Variants in ZRANB3 observed in about 807,000 individuals in gnomAD.
ZRANB3 encodes DNA annealing helicase and endonuclease ZRANB3.
A neutral mutation model predicts 133.8 loss-of-function variants in ZRANB3; 125 were observed. The ratio of observed to expected loss-of-function variants is 0.93; its 90% CI spans 0.81 to 1.08. The LOEUF (loss-of-function observed/expected upper bound fraction) is 1.08, where lower values mean the gene tolerates loss of function less well. ZRANB3 is among the 50% of genes least tolerant of loss of function. The pLI is 0.00. For missense variants in ZRANB3, 1,229 were observed against 1,275.5 expected (o/e 0.96, Z 0.56); for synonymous variants, 387 against 432.7 (o/e 0.89, Z 1.31).
At chr2:135,477,865 T>C (rs1200330728) in intron 2 of ZRANB3, among the ~76,000 whole-genome samples, 5 of 152,030 alleles carry the variant, frequency 3.3e-5, no homozygotes, top group Non-Finnish European at 7.4e-5. Flanking sequence ...GGTATATGCC[T>C]GTGGTTACAA....
intron 8 of ZRANB3, among the ~76,000 whole-genome samples, chr2:135,312,875 C>G (rs1048098183): frequency 1.3e-5 from 2 of 151,474 alleles, no homozygotes; most frequent in Non-Finnish European, 2.9e-5. Flanking sequence ...AAAAAATTTG[C>G]CAGGCATGGA....
intron 8 of ZRANB3, among the ~76,000 whole-genome samples, chr2:135,298,235 A>T (rs1167154568): frequency 6.6e-6 from 1 of 152,118 alleles, no homozygotes; most frequent in African/African-American, 2.4e-5. Flanking sequence ...CTCAAAAACA[A>T]CAAAATATTA....
chr2:135,375,968 A>G (rs770363830), intron 3 of ZRANB3, among the ~76,000 whole-genome samples: 28 of 152,222 alleles, frequency 1.8e-4, no homozygotes, highest in Non-Finnish European at 3.7e-4. Flanking sequence ...GAAATTATTT[A>G]TTTAAAAATA....
intron 15 of ZRANB3, among the ~76,000 whole-genome samples, 200 bp from the exon 16 acceptor site, chr2:135,219,378 C>T (rs1178798396): frequency 6.6e-6 from 1 of 152,220 alleles, no homozygotes; most frequent in Non-Finnish European, 1.5e-5. Context: ...AGGCTCTCTA[C>T]CGCACTGGAT....
chr2:135,498,068 T>A (rs964199264), intron 2 of ZRANB3, among the ~76,000 whole-genome samples: 17 of 130,652 alleles, frequency 1.3e-4, no homozygotes, highest in African/African-American at 5.7e-4. Context: ...TAATAAATAA[T>A]AAATAAATAA....
At chr2:135,393,305 C>T (rs1687327527) in intron 2 of ZRANB3, among the ~76,000 whole-genome samples, 1 of 151,816 alleles carries the variant, frequency 6.6e-6, no homozygotes, top group Non-Finnish European at 1.5e-5. Context: ...CTTGGAAAAA[C>T]ATGATTTTTT....
chr2:135,329,311 C>G (rs953843957), intron 6 of ZRANB3, among the ~76,000 whole-genome samples: 1 of 152,140 alleles, frequency 6.6e-6, no homozygotes, highest in Non-Finnish European at 1.5e-5. Flanking sequence ...ATTTATTAAA[C>G]AGGTAATCCT....
intron 8 of ZRANB3, among the ~76,000 whole-genome samples, chr2:135,306,258 C>T (rs548689749): frequency 6.6e-6 from 1 of 150,882 alleles, no homozygotes; most frequent in African/African-American, 2.4e-5. Flanking sequence ...TTCCCCATCC[C>T]TTTTTATTCT....
chr2:135,324,804 G>T (rs1683730462), intron 6 of ZRANB3, among the ~76,000 whole-genome samples: 1 of 151,992 alleles, frequency 6.6e-6, no homozygotes, highest in South Asian at 2.1e-4. Flanking sequence ...TCTCATTGTG[G>T]TTTTGATTTG....
At chr2:135,293,065 C>T (rs1044594575) in intron 8 of ZRANB3, among the ~76,000 whole-genome samples, 2 of 152,008 alleles carry the variant, frequency 1.3e-5, no homozygotes, top group African/African-American at 4.8e-5. Context: ...TTAGGATTGA[C>T]TTGGCAATGT....
At chr2:135,457,802 T>C (rs148496268) in intron 2 of ZRANB3, among the ~76,000 whole-genome samples, 7 of 152,250 alleles carry the variant, frequency 4.6e-5, no homozygotes, top group African/African-American at 1.7e-4. Context: ...AAGTTTTTTA[T>C]ATATTCTTGA....
At chr2:135,304,978 CTTTT>C (rs960515720) in intron 8 of ZRANB3, among the ~76,000 whole-genome samples, 2 of 150,926 alleles carry the variant, frequency 1.3e-5, no homozygotes, top group African/African-American at 4.9e-5. Flanking sequence ...TTTCAAGTTT[CTTTT>C]TTTTTGTTTT....
chr2:135,462,265 G>T (rs1057424512), intron 2 of ZRANB3, among the ~76,000 whole-genome samples: 5 of 152,150 alleles, frequency 3.3e-5, no homozygotes, highest in African/African-American at 7.2e-5. Context: ...TCAGTTGATT[G>T]TAAGTACTCC....
At chr2:135,394,534 A>C (rs1377775859) in intron 2 of ZRANB3, among the ~76,000 whole-genome samples, 2 of 152,114 alleles carry the variant, frequency 1.3e-5, no homozygotes, top group Non-Finnish European at 2.9e-5. Flanking sequence ...AAGAGACTAG[A>C]TGTGATCACC....
intron 1 of ZRANB3, among the ~76,000 whole-genome samples, chr2:135,507,083 G>T (rs961761968): frequency 1.3e-5 from 2 of 152,230 alleles, no homozygotes; most frequent in African/African-American, 4.8e-5. Flanking sequence ...CAGTGAAACT[G>T]AAAAGATTCA....
rs564625394 is a variant in ZRANB3 at position 135,206,630 on chromosome 2, G to A, written c.3009+804C>T. On this transcript the variant is annotated intron_variant, in intron 19 of 20. Transcript: ENST00000264159. The stretch of plus-strand genomic sequence containing the variant: ...GTGTTGGGTGTGATAACTCATACTG[G>A]GATTATATTTAAAAGAAAGAGAGGA... Among the ~76,000 whole-genome samples the A allele has an allele frequency of 3.4e-4, 51 of 151,118 alleles. 1 individual carries two copies. In the South Asian group the frequency reaches 0.01, roughly 31 times the overall value.
intron 2 of ZRANB3, among the ~76,000 whole-genome samples, chr2:135,413,598 G>T (rs1241935270): frequency 1.3e-5 from 2 of 152,168 alleles, no homozygotes; most frequent in Non-Finnish European, 2.9e-5. Flanking sequence ...AAAAACACAT[G>T]AGACTAGGAA....
At chr2:135,206,361 C>G (rs1693857183) in intron 19 of ZRANB3, among the ~76,000 whole-genome samples, 1 of 151,718 alleles carries the variant, frequency 6.6e-6, no homozygotes, top group African/African-American at 2.4e-5. Context: ...TGCCTCAGCT[C>G]CCGAGTAGTT....
intron 2 of ZRANB3, among the ~76,000 whole-genome samples, chr2:135,392,081 T>C (rs994666815): frequency 2.0e-5 from 3 of 151,930 alleles, no homozygotes; most frequent in African/African-American, 7.3e-5. Flanking sequence ...AGCAAACATA[T>C]GATAAGGGGT....
Sources: allele counts gnomAD v4.1 joint callset (sites outside exome capture counted in the v4.1 genomes callset), GRCh38; gene constraint gnomAD v4.1.1; transcripts MANE v1.5; gene names NCBI Gene and HGNC (gene_info 2026-07-23, HGNC 2026-07-21).